The following KCNQ1 variants were observed in gnomAD, a reference collection of about 807,000 sequenced individuals.
KCNQ1 encodes potassium voltage-gated channel subfamily Q member 1.
Under a neutral mutation model 72.4 loss-of-function variants are expected in KCNQ1, and 49 were observed. That is an observed-to-expected ratio of 0.68 (90% CI 0.54 to 0.86). The LOEUF is 0.86. Among genes scored for constraint, KCNQ1 ranks in the 40% least tolerant of loss-of-function variants. KCNQ1 has a pLI of 0.00. For synonymous variants in KCNQ1, 450 were observed against 412.6 expected, an observed-to-expected ratio of 1.09 and a Z score of -1.10; for missense variants, 790 against 945.1, an observed-to-expected ratio of 0.84 and a Z score of 2.15.
Position 2,508,030 on chromosome 11 carries a change from G to A in KCNQ1, c.387-19898G>A, listed in dbSNP as rs1847132071. ...CTGGTGGGTCCCAGCCCCGTACATG[G>A]AGGCTGGGACCCTGCCCTGAAACCT... On this transcript the variant is annotated intron_variant, in intron 1 of 15. Transcript: ENST00000155840. This position sits in a 1 kb window ranked among gnomAD's most constrained non-coding sequence, Gnocchi z 6.2. Among the ~76,000 whole-genome samples the A allele has an allele frequency of 6.6e-6, 1 of 152,114 alleles. No individual in the cohort carries two copies. The highest frequency in any genetic ancestry group is 6.5e-5 in the Admixed American group (1 of 15,286).
Position 2,649,954 on chromosome 11 carries a change from A to G in KCNQ1, c.1394-12007A>G, listed in dbSNP as rs191689638. ...AATATTGTTAGCTTAATAGTGTCTC[A>G]TATGTCACGCAGGCATTCTTCATTC... On this transcript the variant is annotated intron_variant, in intron 10 of 15. Transcript: ENST00000155840. The G allele has an allele frequency of 1.9e-4, 74 of 398,464 alleles. 2 individuals are homozygous for G. The highest frequency in any genetic ancestry group is 1.2e-3 in the African/African-American group (60 of 48,726). 24.7% of individuals were successfully genotyped at this position (398,464 alleles called of 1,614,324 possible). A position where few individuals can be genotyped will look rare whatever the true frequency, so the allele number is the denominator to read the frequency against.
At chr11:2,847,193 G>A (rs540444316) in intron 15 of KCNQ1, among the ~76,000 whole-genome samples, 2 of 151,286 alleles carry the variant, frequency 1.3e-5, no homozygotes, top group Non-Finnish European at 2.9e-5. Context: ...GGCATCCCCT[G>A]CACACCCAGG....
intron 11 of KCNQ1, chr11:2,672,185 C>A: frequency 2.5e-6 from 1 of 398,644 alleles, no homozygotes; most frequent in African/African-American, 2.1e-5. Flanking sequence ...TCTTTAGGTT[C>A]ATGTCCTGAT....
Position 2,711,160 on chromosome 11 carries a change from CATAGTTTTCAGT to C in KCNQ1, c.1514+49088_1514+49099del. ...TTAAAAATTTGGTTCAAGAATATCT[CATAGTTTTCAGT>C]ATAGTTTTTGCACTACTTTGTAAAT... On this transcript the variant is annotated intron_variant, in intron 11 of 15. Transcript: ENST00000155840. The surrounding 1 kb of genome is among the most constrained non-coding windows in gnomAD (Gnocchi z 5.4). Among the ~76,000 whole-genome samples, 1 of 152,196 alleles carries C rather than the reference CATAGTTTTCAGT, an allele frequency of 6.6e-6. No individual in the cohort carries two copies. The highest frequency in any genetic ancestry group is 6.5e-5 in the Admixed American group (1 of 15,282).
At chr11:2,625,932 C>G (rs374863620) in intron 10 of KCNQ1, 1 of 398,576 alleles carries the variant, frequency 2.5e-6, no homozygotes. Flanking sequence ...TCTGTATAAT[C>G]TGGACATTAA....
At chr11:2,722,759 T>C (rs1448028246) in intron 11 of KCNQ1, among the ~76,000 whole-genome samples, 1 of 152,080 alleles carries the variant, frequency 6.6e-6, no homozygotes, top group East Asian at 1.9e-4. Flanking sequence ...AAGCTGCCCC[T>C]AGATAGCTGT....
chr11:2,655,352 C>T, intron 10 of KCNQ1: 1 of 398,654 alleles, frequency 2.5e-6, no homozygotes. Flanking sequence ...ATTAAAGCAT[C>T]AAAAACCAGG....
chr11:2,757,799 C>T (rs1372905609), intron 11 of KCNQ1, among the ~76,000 whole-genome samples: 3 of 152,172 alleles, frequency 2.0e-5, no homozygotes, highest in African/African-American at 7.2e-5. Context: ...ATGCAAAATT[C>T]AGCGGAGGAA....
chr11:2,688,515 G>A, intron 11 of KCNQ1: 1 of 398,686 alleles, frequency 2.5e-6, no homozygotes, highest in Non-Finnish European at 4.4e-6. Context: ...ATGAGGTAGA[G>A]GTCACACAGC....
At chr11:2,656,016 G>A (rs1046617955) in intron 10 of KCNQ1, 4 of 398,454 alleles carry the variant, frequency 1.0e-5, no homozygotes, top group African/African-American at 8.2e-5. Context: ...AAAACACCAG[G>A]ACAGAACCTT....
In KCNQ1 at chr11:2,685,281, C is replaced by G. The variant is rs139940328; in HGVS notation, c.1514+23200C>G. 344 of 398,640 alleles carry G rather than the reference C, an allele frequency of 8.6e-4. 2 individuals carry two copies. The highest frequency in any genetic ancestry group is 2.5e-3 in the Middle Eastern group (4 of 1,588). The allele number at this position is 398,640 out of a possible 1,614,324, so 24.7% of individuals were successfully genotyped here. The stretch of plus-strand genomic sequence containing the variant: ...GGGCACACGTGCCACTGTGTCTTGC[C>G]CACAAACATGCACACAGAGTATCGA... On this transcript the variant is annotated intron_variant, in intron 11 of 15. Transcript: ENST00000155840.
chr11:2,746,584 G>C lies in KCNQ1; in HGVS notation c.1515-22260G>C, dbSNP rs536988404. ...TGTAGGGTGTCCCTTACTAGGATCC[G>C]TCTGCTGCTGTCCTCACGATTCGAC... On this transcript the variant is annotated intron_variant, in intron 11 of 15. Transcript: ENST00000155840. The surrounding 1 kb of genome is among the most constrained non-coding windows in gnomAD (Gnocchi z 5.9). Among the ~76,000 whole-genome samples the C allele has an allele frequency of 6.6e-6, 1 of 152,184 alleles. No individual in the cohort carries two copies. The highest frequency in any genetic ancestry group is 1.9e-4 in the East Asian group (1 of 5,188).
Position 2,750,196 on chromosome 11 carries a change from C to G in KCNQ1, c.1515-18648C>G, listed in dbSNP as rs1007663722. Among the ~76,000 whole-genome samples, 6 of 152,122 alleles carry G rather than the reference C, an allele frequency of 3.9e-5. No individual in the cohort carries two copies. The highest frequency in any genetic ancestry group is 1.2e-4 in the African/African-American group (5 of 41,400). Reference sequence around the variant, plus strand: ...GCGCCAGGGGCAGCAGGGGCTGGATCTCTGGGGAAGTTGAGGAATGACATG... The same window carrying G: ...GCGCCAGGGGCAGCAGGGGCTGGATGTCTGGGGAAGTTGAGGAATGACATG... On this transcript the variant is annotated intron_variant, in intron 11 of 15. Coordinates refer to ENST00000155840, the MANE Select transcript of KCNQ1 (RefSeq NM_000218.3). This position sits in a 1 kb window ranked among gnomAD's most constrained non-coding sequence, Gnocchi z 6.3.
intron 15 of KCNQ1, among the ~76,000 whole-genome samples, chr11:2,807,369 G>A (rs1056801222): frequency 3.9e-5 from 6 of 152,256 alleles, no homozygotes; most frequent in African/African-American, 1.2e-4. Context: ...TTGATGTCCG[G>A]GACCAGATAA....
rs376331875 is a variant in KCNQ1, at chr11:2,773,221, TCC to T, written c.1591-2737_1591-2736del. Among the ~76,000 whole-genome samples the T allele has an allele frequency of 1.1e-4, 16 of 152,008 alleles. No individual in the cohort carries two copies. The East Asian group carries it at 3.1e-3, about 29-fold the overall frequency. ...CAGAAAGGAAGATCAAGGCTCAGTA[TCC>T]CATCTTATAGAAGAGAGAGGCAGGG... is the stretch of plus-strand genomic sequence containing the variant. On this transcript the variant is annotated intron_variant, in intron 12 of 15. Transcript: ENST00000155840.
chr11:2,546,534 A>G (rs1778881477), intron 2 of KCNQ1, among the ~76,000 whole-genome samples: 1 of 152,154 alleles, frequency 6.6e-6, no homozygotes, highest in Non-Finnish European at 1.5e-5. Context: ...CTATTAATTC[A>G]TTCTTGGGAG....
intron 15 of KCNQ1, among the ~76,000 whole-genome samples, chr11:2,802,903 C>T (rs1033195584): frequency 2.0e-5 from 3 of 152,236 alleles, no homozygotes; most frequent in Non-Finnish European, 2.9e-5. Context: ...GCAGACCCTA[C>T]AGCGCTACCT....
At position 2,664,295 on chromosome 11, in the gene KCNQ1, G is replaced by A. The variant is rs1850022944; in HGVS notation, c.1514+2214G>A. The A allele has an allele frequency of 1.3e-5, 5 of 399,192 alleles. No individual in the cohort carries two copies. Among genetic ancestry groups the A allele is most frequent in the Non-Finnish European group, 1.8e-5 (4 of 226,518 alleles). 24.7% of individuals were successfully genotyped at this position (399,192 alleles called of 1,614,324 possible). A position where few individuals can be genotyped will look rare whatever the true frequency, so the allele number is the denominator to read the frequency against. ...GTTGCTGCAAAGGGGCCACCTTGAG[G>A]CATTGTGTTCTGGTCAGGGAAGACT... On this transcript the variant is annotated intron_variant, in intron 11 of 15. Transcript: ENST00000155840. This position sits in a 1 kb window ranked among gnomAD's most constrained non-coding sequence, Gnocchi z 5.1.
chr11:2,455,158 T>C (rs1037801948), intron 1 of KCNQ1, among the ~76,000 whole-genome samples: 3 of 151,910 alleles, frequency 2.0e-5, no homozygotes, highest in South Asian at 2.1e-4. Context: ...AGTGCAGTGA[T>C]GAGATCTTGG....
Sources: gnomAD v4.1 joint callset for allele counts (sites outside exome capture counted in the v4.1 genomes callset) on GRCh38, gnomAD v4.1.1 for gene constraint, Gnocchi (gnomAD v3.1) non-coding constraint, MANE v1.5 for transcripts, NCBI Gene and HGNC (gene_info 2026-07-23, HGNC 2026-07-21) for gene names.